PCDHA6: variants seen among roughly 807,000 people sequenced by gnomAD.
PCDHA6 encodes the protein protocadherin alpha 6, also known as protocadherin alpha-6.
PCDHA6 carries 55 observed loss-of-function variants against 60.3 expected under a neutral mutation model. The observed-to-expected ratio is 0.91, with a 90% CI of 0.73 to 1.14. PCDHA6 has a LOEUF of 1.14. Among genes scored for constraint, PCDHA6 ranks in the 50% most tolerant of loss-of-function variants. The probability of loss-of-function intolerance (pLI) is 0.00; values close to 1 mark genes in which losing one functional copy is unlikely to be tolerated. For missense variants in PCDHA6, 1,327 were observed against 1,256.5 expected (o/e 1.06, Z -0.85); for synonymous variants, 652 against 557.9 (o/e 1.17, Z -2.38).
chr5:140,913,526 A>T (rs1171997127), intron 1 of PCDHA6, among the ~76,000 whole-genome samples: 1 of 151,968 alleles, frequency 6.6e-6, no homozygotes, highest in Non-Finnish European at 1.5e-5. Flanking sequence ...TTATCTTTTC[A>T]AAAGATTGAC....
chr5:140,834,723 CT>C, intron 1 of PCDHA6: 1 of 1,614,276 alleles, frequency 6.2e-7, no homozygotes, highest in South Asian at 1.1e-5. Flanking sequence ...GGAAAGGCCG[CT>C]GCAGGTTTTC....
intron 1 of PCDHA6, among the ~76,000 whole-genome samples, chr5:140,936,367 A>G (rs1347774517): frequency 2.0e-5 from 3 of 152,348 alleles, no homozygotes; most frequent in East Asian, 1.9e-4. Flanking sequence ...GCTACTGAGC[A>G]CTTGAAATGT....
At chr5:140,927,447 G>A (rs1563092229) in intron 1 of PCDHA6, 7 of 1,613,982 alleles carry the variant, frequency 4.3e-6, no homozygotes, top group Non-Finnish European at 5.1e-6. Flanking sequence ...ACCCGGAGTT[G>A]GTGTTGGAGA....
chr5:140,990,136 A>C (rs996616541), intron 3 of PCDHA6, among the ~76,000 whole-genome samples: 1 of 152,198 alleles, frequency 6.6e-6, no homozygotes, highest in African/African-American at 2.4e-5. Context: ...GTCAGACTCA[A>C]GAGGCATAAT....
At chr5:140,969,584 G>C in intron 1 of PCDHA6, 1 of 907,936 alleles carries the variant, frequency 1.1e-6, no homozygotes, top group Non-Finnish European at 1.6e-6. Context: ...GTGAGGATTA[G>C]TCTTAATATT....
chr5:140,859,888 A>T (rs2046074014), intron 1 of PCDHA6: 1 of 152,104 alleles, frequency 6.6e-6, no homozygotes. Context: ...TATTTTGAAA[A>T]AAAATCTTCC....
At chr5:140,883,402 C>G (rs2153393597) in intron 1 of PCDHA6, 1 of 1,614,192 alleles carries the variant, frequency 6.2e-7, no homozygotes, top group Middle Eastern at 1.6e-4. Context: ...CCGATCGTGA[C>G]TCTGGCTCAA....
Position 140,857,121 on chromosome 5 carries a change from T to C in PCDHA6, c.2394+26636T>C. 3.1e-6 allele frequency: 5 copies of C among 1,597,978 alleles called. 1 individual carries two copies. Among genetic ancestry groups the C allele is most frequent in the Non-Finnish European group, 4.3e-6 (5 of 1,167,600 alleles). ...ATTGTCACTTCTCTGTCTCTCCCAG[T>C]GAAAGAAGATGCTCAAGTGGGCACC... On this transcript the variant is annotated intron_variant, in intron 1 of 3. Transcript: ENST00000529310.
rs868938085 is a variant in PCDHA6, at chr5:140,882,236, T to C, written c.2394+51751T>C. On this transcript the variant is annotated intron_variant, in intron 1 of 3. Coordinates refer to ENST00000529310, the MANE Select transcript of PCDHA6 (RefSeq NM_018909.4). ...AGTTTGAGGTAAGGCGTTGTATATA[T>C]TGCAGATAGCTCTGAGGTTTTTGGA... 7.6e-6 allele frequency: 12 copies of C among 1,581,516 alleles called. 1 individual carries two copies. The Middle Eastern group carries it at 1.0e-3, about 134-fold the overall frequency.
In PCDHA6 at chr5:140,926,182, C is replaced by G. The variant is rs1041630365; in HGVS notation, c.2395-52767C>G. Among the ~76,000 whole-genome samples, 27 of 151,858 alleles carry G rather than the reference C, an allele frequency of 1.8e-4. No individual in the cohort carries two copies. The East Asian group carries it at 2.5e-3, about 14-fold the overall frequency. On this transcript the variant is annotated intron_variant, in intron 1 of 3. Coordinates refer to ENST00000529310, the MANE Select transcript of PCDHA6 (RefSeq NM_018909.4). ...CAGCAGGATCCAGCGCGGAAAGCCC[C>G]CCGCAGCACTTCTTTCGGGGGGCTC...
Position 140,926,837 on chromosome 5 carries a change from G to A in PCDHA6, c.2395-52112G>A, listed in dbSNP as rs1170899993. 11 of 1,513,410 alleles carry A rather than the reference G, an allele frequency of 7.3e-6. No individual in the cohort carries two copies. In the African/African-American group the frequency reaches 1.4e-4, roughly 19 times the overall value. 93.7% of individuals were successfully genotyped at this position (1,513,410 alleles called of 1,614,324 possible). ...GTGCTCTCCAGGAGTCCGGAGCATG[G>A]TCCTGGGTCACCGTTGGTGTAGCGT... On this transcript the variant is annotated intron_variant, in intron 1 of 3. Coordinates refer to ENST00000529310, the MANE Select transcript of PCDHA6 (RefSeq NM_018909.4).
chr5:140,897,455 T>C (rs1376435296), intron 1 of PCDHA6, among the ~76,000 whole-genome samples: 1 of 151,682 alleles, frequency 6.6e-6, no homozygotes, highest in Non-Finnish European at 1.5e-5. Flanking sequence ...TTTTTGTCCT[T>C]GCGATAGTTT....
chr5:141,012,183 A>G lies in PCDHA6; in HGVS notation c.*2246A>G, dbSNP rs1554263839. The stretch of plus-strand genomic sequence containing the variant: ...TAATTTATTAATGATGATAATTATA[A>G]TGTATCTGTACAGCACTTTTTACAT... On this transcript the variant is annotated 3_prime_UTR_variant, in exon 4 of 4. Coordinates refer to ENST00000529310, the MANE Select transcript of PCDHA6 (RefSeq NM_018909.4). The G allele has an allele frequency of 6.5e-6, 1 of 153,782 alleles. No homozygotes were observed. Among genetic ancestry groups the G allele is most frequent in the Admixed American group, 6.5e-5 (1 of 15,280 alleles). 9.5% of individuals were successfully genotyped at this position (153,782 alleles called of 1,614,324 possible). A position where few individuals can be genotyped will look rare whatever the true frequency, so the allele number is the denominator to read the frequency against.
intron 1 of PCDHA6, chr5:140,851,974 CT>C (rs1190115566): frequency 2.0e-6 from 2 of 976,536 alleles, no homozygotes; most frequent in African/African-American, 3.5e-5. Context: ...CACACTCTAC[CT>C]TTAGTGCAAG....
At chr5:141,005,826 A>T (rs1283643370) in intron 3 of PCDHA6, among the ~76,000 whole-genome samples, 4 of 151,340 alleles carry the variant, frequency 2.6e-5, no homozygotes, top group Admixed American at 6.6e-5. Flanking sequence ...GGTGGCCTGT[A>T]GTCCCAGCCA....
chr5:140,929,245 A>G, intron 1 of PCDHA6: 1 of 1,613,774 alleles, frequency 6.2e-7, no homozygotes. Flanking sequence ...AAATCTTGCC[A>G]CTGGGGTAGG....
intron 1 of PCDHA6, among the ~76,000 whole-genome samples, chr5:140,892,860 T>C (rs1554185404): frequency 6.6e-6 from 1 of 152,158 alleles, no homozygotes; most frequent in Non-Finnish European, 1.5e-5. Flanking sequence ...ATTCCTCCTG[T>C]GTAGCTATAA....
At chr5:140,977,342 T>A (rs1554238451) in intron 1 of PCDHA6, among the ~76,000 whole-genome samples, 1 of 152,222 alleles carries the variant, frequency 6.6e-6, no homozygotes, top group South Asian at 2.1e-4. Context: ...GAGACGGTGA[T>A]GATGACTGAT....
At chr5:140,841,739 CTGTT>C (rs1562391277) in intron 1 of PCDHA6, 12 of 1,613,762 alleles carry the variant, frequency 7.4e-6, no homozygotes, top group Middle Eastern at 3.3e-4. Context: ...AGACCAAAAG[CTGTT>C]TGTTTCAGAA....
Sources: gnomAD v4.1 joint callset for allele counts (sites outside exome capture counted in the v4.1 genomes callset) on GRCh38, gnomAD v4.1.1 for gene constraint, MANE v1.5 for transcripts, NCBI Gene and HGNC (gene_info 2026-07-23, HGNC 2026-07-21) for gene names.